GRIK2: variants seen among roughly 807,000 people sequenced by gnomAD.
The protein encoded by GRIK2 is glutamate receptor ionotropic, kainate 2.
A neutral mutation model predicts 100.3 loss-of-function variants in GRIK2; 32 were observed. The ratio of observed to expected loss-of-function variants is 0.32; its 90% CI spans 0.24 to 0.43. GRIK2 has a LOEUF of 0.43. Ranked by LOEUF, GRIK2 falls within the 20% of genes least tolerant of loss-of-function variation. The pLI is 1.00. For missense variants in GRIK2, 843 were observed against 1,114.9 expected (o/e 0.76, Z 3.47); for synonymous variants, 417 against 389.4 (o/e 1.07, Z -0.83).
At chr6:101,440,190 C>T (rs1219506889) in intron 2 of GRIK2, among the ~76,000 whole-genome samples, 1 of 151,898 alleles carries the variant, frequency 6.6e-6, no homozygotes, top group African/African-American at 2.4e-5. Flanking sequence ...AAAGAATCTA[C>T]TAAAACAATA....
At chr6:102,044,034 T>TTATC in intron 15 of GRIK2, among the ~76,000 whole-genome samples, 1 of 152,102 alleles carries the variant, frequency 6.6e-6, no homozygotes, top group Middle Eastern at 3.4e-3. Flanking sequence ...AGGTATATCT[T>TTATC]TATCAGCAGC....
At chr6:101,417,253 C>T (rs886877780) in intron 2 of GRIK2, among the ~76,000 whole-genome samples, 11 of 152,116 alleles carry the variant, frequency 7.2e-5, no homozygotes, top group Non-Finnish European at 1.6e-4. Context: ...CCACCAGGTC[C>T]CTCCCACAAC....
intron 2 of GRIK2, among the ~76,000 whole-genome samples, chr6:101,474,478 T>C (rs548370519): frequency 1.0e-3 from 152 of 152,030 alleles, no homozygotes; most frequent in Non-Finnish European, 1.7e-3. Context: ...ATAAATGTTC[T>C]GAATATTTAT....
chr6:101,880,150 G>A (rs2128452868), intron 11 of GRIK2, among the ~76,000 whole-genome samples: 1 of 152,148 alleles, frequency 6.6e-6, no homozygotes, highest in Middle Eastern at 3.4e-3. Flanking sequence ...CTTATGTCTA[G>A]CTATGATCCT....
At chr6:102,067,871 CTTTGT>C (rs1772095289) in intron 16 of GRIK2, among the ~76,000 whole-genome samples, 1 of 151,874 alleles carries the variant, frequency 6.6e-6, no homozygotes, top group East Asian at 1.9e-4. Flanking sequence ...TGAGTGCTAT[CTTTGT>C]TTTGAGATGT....
At chr6:101,736,048 G>A (rs1425190682) in intron 7 of GRIK2, among the ~76,000 whole-genome samples, 1 of 151,554 alleles carries the variant, frequency 6.6e-6, no homozygotes, top group Non-Finnish European at 1.5e-5. Context: ...ATCTGGTGGG[G>A]CAGTCAAAGC....
At position 102,035,515 on chromosome 6, in the gene GRIK2, C is replaced by A. The variant is rs765395069; in HGVS notation, c.2260C>A (p.Gln754Lys). The change falls in exon 15 of 17, where the codon CAG (glutamine) becomes AAG (lysine). Residue 754 changes from glutamine (Q) to lysine (K), a missense_variant. By Grantham distance (53) the Gln-to-Lys change is moderately conservative (BLOSUM62 1). Transcript: ENST00000369134. ...FVTQRNCNLT[Q>K]IGGLIDSKGY... ...TACCCAGCGGAACTGTAACCTGACA[C>A]AGATTGGCGGCCTTATAGACTCTAA... 6.2e-7 allele frequency: 1 copy of A among 1,609,808 alleles called. No individual in the cohort carries two copies. Among genetic ancestry groups the A allele is most frequent in the Non-Finnish European group, 8.5e-7 (1 of 1,177,026 alleles).
chr6:101,402,970 CCTTT>C (rs1235675774), intron 2 of GRIK2, among the ~76,000 whole-genome samples: 1 of 152,170 alleles, frequency 6.6e-6, no homozygotes, highest in East Asian at 1.9e-4. Flanking sequence ...GGTAATTGAA[CCTTT>C]CTTTTGTTAC....
At position 102,056,448 on chromosome 6, in the gene GRIK2, A is replaced by G. The variant is rs9390802; in HGVS notation, c.2562+868A>G. Among the ~76,000 whole-genome samples, 24 of 152,084 alleles carry G rather than the reference A, an allele frequency of 1.6e-4. No homozygotes were observed. The East Asian group carries it at 4.3e-3, about 27-fold the overall frequency. Reference sequence around the variant, plus strand: ...CTGGATATGACAAAACCAACAGTTTAAAGTCTTCTAGTACATTATTTAATC... The same window carrying G: ...CTGGATATGACAAAACCAACAGTTTGAAGTCTTCTAGTACATTATTTAATC... On this transcript the variant is annotated intron_variant, in intron 16 of 16. Coordinates refer to ENST00000369134, the MANE Select transcript of GRIK2 (RefSeq NM_021956.5).
At chr6:102,006,381 TATATATATA>T (rs1291551372) in intron 14 of GRIK2, among the ~76,000 whole-genome samples, 8 of 115,478 alleles carry the variant, frequency 6.9e-5, no homozygotes, top group African/African-American at 3.9e-4. Context: ...TATATATATA[TATATATATA>T]TTTTTTTTTT....
chr6:101,675,356 C>T (rs542200258), intron 4 of GRIK2, among the ~76,000 whole-genome samples: 2 of 151,590 alleles, frequency 1.3e-5, no homozygotes, highest in Admixed American at 6.6e-5. Flanking sequence ...GAAAAAGAGA[C>T]AGTTTCTGAT....
intron 14 of GRIK2, among the ~76,000 whole-genome samples, chr6:101,982,191 C>G (rs2128489651): frequency 6.6e-6 from 1 of 151,896 alleles, no homozygotes; most frequent in East Asian, 1.9e-4. Context: ...TCTTTTTAAT[C>G]CTTAACTTTT....
At chr6:101,865,544 A>G (rs138219796) in intron 11 of GRIK2, among the ~76,000 whole-genome samples, 1,682 of 152,270 alleles carry the variant, frequency 0.011, 32 homozygotes, top group African/African-American at 0.039. Flanking sequence ...TTGACAGCAC[A>G]TTGTTTAATT....
chr6:101,559,210 T>TA (rs1268815906), intron 2 of GRIK2, among the ~76,000 whole-genome samples: 1 of 152,162 alleles, frequency 6.6e-6, no homozygotes, highest in Admixed American at 6.5e-5. Flanking sequence ...AGTTTTTTTT[T>TA]ATACCAGAGT....
Position 102,068,237 on chromosome 6 carries a change from C to T in GRIK2, c.2563-110C>T, listed in dbSNP as rs926516305. ...AACTTTTACAATGAAAATTTTCAAA[C>T]CTTCAAGGATGTTATGTGACAAGTC... On this transcript the variant is annotated intron_variant, in intron 16 of 16. Transcript: ENST00000369134. 8.2e-6 allele frequency: 6 copies of T among 733,400 alleles called. No individual in the cohort carries two copies. In the African/African-American group the frequency reaches 1.1e-4, roughly 13 times the overall value. 45.4% of individuals were successfully genotyped at this position (733,400 alleles called of 1,614,324 possible). A position where few individuals can be genotyped will look rare whatever the true frequency, so the allele number is the denominator to read the frequency against.
At chr6:101,665,979 G>A (rs999133774) in intron 4 of GRIK2, among the ~76,000 whole-genome samples, 1 of 152,084 alleles carries the variant, frequency 6.6e-6, no homozygotes, top group East Asian at 1.9e-4. Flanking sequence ...CATCAAAATA[G>A]AGACGTAGCA....
rs538308296 is a variant in GRIK2, at chr6:102,050,620, G to A, written c.2312-4710G>A. 8.9e-4 allele frequency among the ~76,000 whole-genome samples: 129 copies of A among 144,920 alleles called. 1 individual carries two copies. Among genetic ancestry groups the A allele is most frequent in the African/African-American group, 3.2e-3 (123 of 38,900 alleles). On this transcript the variant is annotated intron_variant, in intron 15 of 16. Coordinates refer to ENST00000369134, the MANE Select transcript of GRIK2 (RefSeq NM_021956.5). The stretch of plus-strand genomic sequence containing the variant: ...CAAGATGGCACCACTGCACTCCAGC[G>A]CCTGGGCGACAAGAGCAAAACTCGG...
intron 14 of GRIK2, among the ~76,000 whole-genome samples, chr6:101,988,124 TGTGTGTGTGCGCGCGCGCGCGCGCGC>T (rs1165641461): frequency 7.6e-5 from 2 of 26,146 alleles, no homozygotes; most frequent in South Asian, 2.6e-3. Context: ...TGTGTGTGTG[TGTGTGTGTGCGCGCGCGCGCGCGCGC>T]GCGCGTGCGC....
At chr6:101,850,937 C>T (rs753909292) in intron 10 of GRIK2, among the ~76,000 whole-genome samples, 12 of 151,958 alleles carry the variant, frequency 7.9e-5, no homozygotes, top group Admixed American at 2.6e-4. Flanking sequence ...ATCCTTGTAC[C>T]GTGTGAAACA....
Sources: gnomAD v4.1 joint callset for allele counts (sites outside exome capture counted in the v4.1 genomes callset) on GRCh38, gnomAD v4.1.1 for gene constraint, MANE v1.5 for transcripts, NCBI Gene and HGNC (gene_info 2026-07-23, HGNC 2026-07-21) for gene names.